The following WWOX variants were observed in gnomAD, a reference collection of about 807,000 sequenced individuals.
WWOX encodes WW domain-containing oxidoreductase.
WWOX carries 69 observed loss-of-function variants against 46.2 expected under a neutral mutation model. The observed-to-expected ratio is 1.49, with a 90% confidence interval of 1.23 to 1.82. The LOEUF (loss-of-function observed/expected upper bound fraction) is 1.82, where lower values mean the gene tolerates loss of function less well. Ranked by LOEUF, WWOX falls within the 40% of genes most tolerant of loss-of-function variation. WWOX has a pLI of 0.00. For synonymous variants in WWOX, 359 were observed against 202.6 expected (o/e 1.77, Z -6.56); for missense variants, 919 against 542.6 (o/e 1.69, Z -6.89).
At chr16:78,575,205 A>G (rs2044847471) in intron 8 of WWOX, among the ~76,000 whole-genome samples, 1 of 146,272 alleles carries the variant, frequency 6.8e-6, no homozygotes, top group African/African-American at 2.5e-5. Flanking sequence ...ATGAGAAACC[A>G]TCTCTGGGTT....
chr16:78,837,513 C>A (rs547248230), intron 8 of WWOX, among the ~76,000 whole-genome samples: 3 of 152,284 alleles, frequency 2.0e-5, no homozygotes, highest in South Asian at 2.1e-4. Context: ...TCACTCAAAG[C>A]CTGAACACTT....
chr16:78,809,840 G>C (rs1200860796), intron 8 of WWOX, among the ~76,000 whole-genome samples: 1 of 152,104 alleles, frequency 6.6e-6, no homozygotes, highest in African/African-American at 2.4e-5. Flanking sequence ...GTTCCCAGGG[G>C]ATGATGACCC....
At chr16:78,668,872 C>G (rs1180054066) in intron 8 of WWOX, among the ~76,000 whole-genome samples, 1 of 152,170 alleles carries the variant, frequency 6.6e-6, no homozygotes, top group African/African-American at 2.4e-5. Flanking sequence ...CACTTGATAA[C>G]TCCCTGGCAG....
chr16:78,603,075 C>T (rs1400112001), intron 8 of WWOX, among the ~76,000 whole-genome samples: 3 of 152,170 alleles, frequency 2.0e-5, no homozygotes, highest in Non-Finnish European at 4.4e-5. Flanking sequence ...TAACTGCAAT[C>T]AGATGTTTTA....
At chr16:78,935,524 C>A (rs766472432) in intron 8 of WWOX, among the ~76,000 whole-genome samples, 13 of 150,068 alleles carry the variant, frequency 8.7e-5, no homozygotes, top group Non-Finnish European at 1.6e-4. Flanking sequence ...CCAAACACTG[C>A]ATGTTCTCAC....
At chr16:78,390,577 T>C (rs540726753) in intron 6 of WWOX, among the ~76,000 whole-genome samples, 3 of 152,120 alleles carry the variant, frequency 2.0e-5, no homozygotes, top group African/African-American at 4.8e-5. Context: ...GTGGTGAAAA[T>C]ATGCATAAAA....
At chr16:78,668,181 G>T (rs2047376533) in intron 8 of WWOX, among the ~76,000 whole-genome samples, 1 of 152,148 alleles carries the variant, frequency 6.6e-6, no homozygotes, top group African/African-American at 2.4e-5. Flanking sequence ...TCGGGAGGCT[G>T]GGACAGAAGA....
chr16:78,713,546 G>A (rs905391598), intron 8 of WWOX, among the ~76,000 whole-genome samples: 1 of 152,090 alleles, frequency 6.6e-6, no homozygotes, highest in African/African-American at 2.4e-5. Flanking sequence ...AGGTTGCTTG[G>A]ATGGTCCCTA....
At chr16:78,164,347 C>T (rs1033363848) in intron 5 of WWOX, 58 bp downstream of exon 5, 6 of 1,481,562 alleles carry the variant, frequency 4.0e-6, no homozygotes, top group Non-Finnish European at 4.7e-6. Flanking sequence ...CCGGGCTAAC[C>T]ATATGGAGAT....
chr16:78,923,752 A>C (rs74032436), intron 8 of WWOX, among the ~76,000 whole-genome samples: 259 of 151,220 alleles, frequency 1.7e-3, no homozygotes, highest in African/African-American at 5.9e-3. Flanking sequence ...CAAGTTTCAC[A>C]AGTGATGATC....
intron 6 of WWOX, among the ~76,000 whole-genome samples, chr16:78,399,642 C>G (rs1013655758): frequency 3.3e-5 from 5 of 152,200 alleles, no homozygotes; most frequent in African/African-American, 7.2e-5. Context: ...TGGTTACTCT[C>G]AGAGAACTCT....
intron 8 of WWOX, among the ~76,000 whole-genome samples, chr16:79,106,303 C>A (rs1284245084): frequency 1.3e-5 from 2 of 152,154 alleles, no homozygotes; most frequent in African/African-American, 4.8e-5. Context: ...GACCTGAGAC[C>A]TCAAAACTTT....
intron 8 of WWOX, among the ~76,000 whole-genome samples, chr16:78,840,753 T>C (rs1360582937): frequency 1.3e-5 from 2 of 151,988 alleles, no homozygotes; most frequent in Admixed American, 1.3e-4. Context: ...TATGTACATA[T>C]ATATGTATAT....
At chr16:78,978,334 A>C (rs1288713217) in intron 8 of WWOX, among the ~76,000 whole-genome samples, 2 of 152,036 alleles carry the variant, frequency 1.3e-5, no homozygotes, top group Non-Finnish European at 2.9e-5. Context: ...TCCTGTTTTT[A>C]ATTATGTTGG....
intron 8 of WWOX, among the ~76,000 whole-genome samples, chr16:78,627,691 T>G (rs1266218761): frequency 1.3e-5 from 2 of 152,198 alleles, no homozygotes; most frequent in Admixed American, 6.5e-5. Flanking sequence ...TAAATAACTT[T>G]GATGCAAATC....
chr16:79,089,158 C>T (rs1466711876), intron 8 of WWOX, among the ~76,000 whole-genome samples: 1 of 152,156 alleles, frequency 6.6e-6, no homozygotes, highest in East Asian at 1.9e-4. Context: ...GGGCCTAGCT[C>T]TGCCGTTTTA....
chr16:78,355,915 A>C, intron 5 of WWOX: 1 of 332,146 alleles, frequency 3.0e-6, no homozygotes, highest in Non-Finnish European at 5.9e-6. Flanking sequence ...CAAAAGAGAA[A>C]CCCGCATACA....
chr16:78,821,940 C>T (rs756289649), intron 8 of WWOX, among the ~76,000 whole-genome samples: 7 of 152,098 alleles, frequency 4.6e-5, no homozygotes, highest in Non-Finnish European at 1.0e-4. Flanking sequence ...AGTGCTGTGG[C>T]ATCTTAGCTC....
intron 8 of WWOX, among the ~76,000 whole-genome samples, chr16:78,513,167 A>G (rs527947373): frequency 6.6e-6 from 1 of 152,238 alleles, no homozygotes; most frequent in Non-Finnish European, 1.5e-5. Context: ...CATTAAAACA[A>G]ATGCCTCAAA....
Sources: gnomAD v4.1 joint callset for allele counts (sites outside exome capture counted in the v4.1 genomes callset) on GRCh38, gnomAD v4.1.1 for gene constraint, MANE v1.5 for transcripts, NCBI Gene and HGNC (gene_info 2026-07-23, HGNC 2026-07-21) for gene names.